Variants in CEP112 observed in about 807,000 individuals in gnomAD.
CEP112 encodes centrosomal protein of 112 kDa.
CEP112 carries 127 observed loss-of-function variants against 153.0 expected under a neutral mutation model. That is an observed-to-expected ratio of 0.83 (90% confidence interval 0.72 to 0.96). The LOEUF is 0.96. CEP112 is among the 40% of genes least tolerant of loss of function. CEP112 has a pLI of 0.00. For synonymous variants in CEP112, 358 were observed against 374.4 expected (o/e 0.96, Z 0.51); for missense variants, 1,089 against 1,101.2 (o/e 0.99, Z 0.16).
At chr17:66,031,471 TTG>T (rs2065469505) in intron 12 of CEP112, among the ~76,000 whole-genome samples, 1 of 35,240 alleles carries the variant, frequency 2.8e-5, no homozygotes, top group Non-Finnish European at 6.3e-5. Flanking sequence ...CAGTTTTGTT[TTG>T]TTTTTTTTTT....
intron 4 of CEP112, among the ~76,000 whole-genome samples, chr17:66,148,076 T>A (rs1393537073): frequency 1.3e-5 from 2 of 152,056 alleles, no homozygotes; most frequent in African/African-American, 4.8e-5. Flanking sequence ...GGGAGAAAAA[T>A]AGGTTTAATG....
intron 17 of CEP112, among the ~76,000 whole-genome samples, chr17:65,995,571 A>G (rs2063754369): frequency 6.6e-6 from 1 of 152,098 alleles, no homozygotes; most frequent in South Asian, 2.1e-4. Flanking sequence ...CCCACCCAGC[A>G]CTTCCCTCAG....
At chr17:65,959,195 A>C (rs1241444683) in intron 18 of CEP112, among the ~76,000 whole-genome samples, 4 of 151,714 alleles carry the variant, frequency 2.6e-5, no homozygotes, top group Non-Finnish European at 5.9e-5. Context: ...GGAGTAACCC[A>C]CTCTAGGGCC....
intron 12 of CEP112, among the ~76,000 whole-genome samples, chr17:66,048,180 G>C (rs909658939): frequency 6.6e-6 from 1 of 151,810 alleles, no homozygotes; most frequent in African/African-American, 2.4e-5. Context: ...CCAGACAGCT[G>C]ACTGTATTTG....
intron 4 of CEP112, among the ~76,000 whole-genome samples, chr17:66,164,884 A>ATGTGTG (rs1472993107): frequency 1.1e-5 from 1 of 93,920 alleles, no homozygotes; most frequent in Admixed American, 1.3e-4. Flanking sequence ...ATACACACAT[A>ATGTGTG]TATGTGTGTG....
chr17:65,675,817 A>G (rs2047206371), intron 24 of CEP112, among the ~76,000 whole-genome samples: 1 of 151,970 alleles, frequency 6.6e-6, no homozygotes, highest in Non-Finnish European at 1.5e-5. Context: ...ATAAACCTGT[A>G]AATTTTACTG....
chr17:65,957,799 C>T (rs2062051673), intron 18 of CEP112, among the ~76,000 whole-genome samples: 1 of 152,066 alleles, frequency 6.6e-6, no homozygotes, highest in Admixed American at 6.5e-5. Context: ...TGAGAATGTA[C>T]AACTTGTTAA....
intron 19 of CEP112, among the ~76,000 whole-genome samples, chr17:65,909,982 A>C (rs1277136421): frequency 6.6e-6 from 1 of 152,152 alleles, no homozygotes; most frequent in Non-Finnish European, 1.5e-5. Flanking sequence ...TGGAGTAAAA[A>C]TGGCTACTAG....
rs531467824 is a variant in CEP112, at chr17:65,888,843, G to T, written c.2163+13309C>A. Among the ~76,000 whole-genome samples, 5 of 152,228 alleles carry T rather than the reference G, an allele frequency of 3.3e-5. No homozygotes were observed. In the East Asian group the frequency reaches 7.7e-4, roughly 24 times the overall value. ...AGGAGCTTCCATGCAGCTTGTGGTT[G>T]GAAGCTCCTTATCTCCCATTAGCTG... On this transcript the variant is annotated intron_variant, in intron 20 of 26. Coordinates refer to ENST00000535342, the MANE Select transcript of CEP112 (RefSeq NM_001199165.4).
intron 21 of CEP112, among the ~76,000 whole-genome samples, chr17:65,772,263 A>G (rs536312438): frequency 6.6e-6 from 1 of 152,152 alleles, no homozygotes; most frequent in Non-Finnish European, 1.5e-5. Flanking sequence ...AAGAGTTGAA[A>G]TCAATGAATT....
intron 24 of CEP112, among the ~76,000 whole-genome samples, chr17:65,675,737 C>G (rs1255868024): frequency 6.6e-6 from 1 of 151,368 alleles, no homozygotes; most frequent in Non-Finnish European, 1.5e-5. Context: ...AAAGGGATAA[C>G]AAATGGGATT....
chr17:66,060,568 TA>T (rs1388777367), intron 11 of CEP112, among the ~76,000 whole-genome samples: 5 of 151,690 alleles, frequency 3.3e-5, no homozygotes, highest in African/African-American at 4.8e-5. Context: ...CACAGACCAA[TA>T]AAACAGCATG....
intron 20 of CEP112, among the ~76,000 whole-genome samples, chr17:65,881,720 A>G (rs1004303376): frequency 4.0e-5 from 6 of 149,960 alleles, no homozygotes; most frequent in Non-Finnish European, 8.8e-5. Flanking sequence ...TATAAGAGAA[A>G]TATCTCTAAA....
chr17:65,656,792 A>G (rs1314482441), intron 24 of CEP112, among the ~76,000 whole-genome samples: 1 of 152,230 alleles, frequency 6.6e-6, no homozygotes, highest in African/African-American at 2.4e-5. Flanking sequence ...GGTGCCTGGC[A>G]TATGGTAGCA....
chr17:66,142,520 T>C (rs1193156155), intron 4 of CEP112, among the ~76,000 whole-genome samples: 1 of 152,208 alleles, frequency 6.6e-6, no homozygotes, highest in Non-Finnish European at 1.5e-5. Flanking sequence ...TCTAGTTGAT[T>C]TTTGTGTATG....
intron 12 of CEP112, among the ~76,000 whole-genome samples, chr17:66,034,204 T>C (rs2065612068): frequency 6.6e-6 from 1 of 152,196 alleles, no homozygotes; most frequent in South Asian, 2.1e-4. Flanking sequence ...GAGTGATTTC[T>C]GGCCATATTA....
chr17:66,184,061 C>A (rs1015769739), intron 1 of CEP112, among the ~76,000 whole-genome samples: 6 of 151,746 alleles, frequency 4.0e-5, no homozygotes, highest in African/African-American at 1.2e-4. Flanking sequence ...CCACCCTGGG[C>A]AATTTGGTGA....
intron 21 of CEP112, among the ~76,000 whole-genome samples, chr17:65,814,045 T>C (rs576559085): frequency 6.6e-6 from 1 of 152,292 alleles, no homozygotes; most frequent in South Asian, 2.1e-4. Flanking sequence ...CTATATCCTC[T>C]ACAGGTGCCC....
intron 4 of CEP112, among the ~76,000 whole-genome samples, chr17:66,141,021 C>T (rs2146608870): frequency 6.6e-6 from 1 of 152,104 alleles, no homozygotes; most frequent in East Asian, 1.9e-4. Flanking sequence ...TATTGCTTCT[C>T]CAGTTTCTGT....
Sources: gnomAD v4.1 joint callset for allele counts (sites outside exome capture counted in the v4.1 genomes callset) on GRCh38, gnomAD v4.1.1 for gene constraint, MANE v1.5 for transcripts, NCBI Gene and HGNC (gene_info 2026-07-23, HGNC 2026-07-21) for gene names.